The following HM13 variants were observed in gnomAD, a reference collection of about 807,000 sequenced individuals.
HM13 encodes the protein signal peptide peptidase.
Under a neutral mutation model 50.0 loss-of-function variants are expected in HM13, and 18 were observed. That is an observed-to-expected ratio of 0.36 (90% CI 0.25 to 0.53). The LOEUF is 0.53. HM13 is among the 20% of genes least tolerant of loss of function. The pLI, the probability that HM13 is intolerant of heterozygous loss-of-function variation, is 0.90. For missense variants in HM13, 393 were observed against 552.4 expected (o/e 0.71, Z 2.89); for synonymous variants, 197 against 232.6 (o/e 0.85, Z 1.39).
At chr20:31,529,589 T>C (rs1982691631) in intron 2 of HM13, among the ~76,000 whole-genome samples, 1 of 152,130 alleles carries the variant, frequency 6.6e-6, no homozygotes, top group African/African-American at 2.4e-5. Context: ...TTCCTGGTCA[T>C]TGAAAATTCC....
At chr20:31,526,797 A>G (rs1284439413) in intron 1 of HM13, among the ~76,000 whole-genome samples, 1 of 152,044 alleles carries the variant, frequency 6.6e-6, no homozygotes, top group African/African-American at 2.4e-5. Context: ...GTTAATTTCA[A>G]CTCATAATAT....
intron 10 of HM13, among the ~76,000 whole-genome samples, chr20:31,563,569 C>G (rs1984738108): frequency 6.6e-6 from 1 of 152,070 alleles, no homozygotes; most frequent in Non-Finnish European, 1.5e-5. Flanking sequence ...ACTGACCTGC[C>G]CACCTCAGCC....
chr20:31,569,067 C>A, intron 12 of HM13, 53 bp from the exon 13 acceptor site: 1 of 1,306,558 alleles, frequency 7.7e-7, no homozygotes, highest in Non-Finnish European at 1.1e-6. Flanking sequence ...CAAGGTTCTG[C>A]TCACCCTCTC....
intron 1 of HM13, among the ~76,000 whole-genome samples, chr20:31,518,039 T>A (rs1417722380): frequency 1.2e-5 from 1 of 80,592 alleles, no homozygotes; most frequent in Non-Finnish European, 2.1e-5. Flanking sequence ...ACAACTTGAT[T>A]TTTTTTTTTT....
chr20:31,550,120 A>G lies in HM13; in HGVS notation c.723A>G (p.Lys241=), dbSNP rs1983955079. 6.2e-7 allele frequency: 1 copy of G among 1,613,280 alleles called. No homozygotes were observed. The change falls in exon 7 of 13, where the codon AAA becomes AAG. Residue 241 remains lysine, a splice_region_variant and synonymous_variant. Transcript: ENST00000398174. The part of the protein sequence containing the change: ...TVAKSFEAPI[K]LVFPQDLLEK... ...CCAAGTCCTTCGAGGCACCAATAAA[A>G]TGTAAGTGACCACCCTGCCACAGGG...
chr20:31,518,260 C>T (rs1457760555), intron 1 of HM13, among the ~76,000 whole-genome samples: 2 of 151,466 alleles, frequency 1.3e-5, no homozygotes, highest in Admixed American at 1.3e-4. Flanking sequence ...GTCTCAAACT[C>T]CCGACCTCAG....
At chr20:31,568,022 C>T (rs1985021539) in intron 11 of HM13, 56 bp from the exon 12 acceptor site, 1 of 1,450,242 alleles carries the variant, frequency 6.9e-7, no homozygotes, top group Non-Finnish European at 9.4e-7. Flanking sequence ...TCTGTCCTCC[C>T]TTAGTCTTTC....
chr20:31,562,290 G>A (rs1285675703), intron 10 of HM13: 2 of 159,672 alleles, frequency 1.3e-5, no homozygotes, highest in South Asian at 1.7e-4. Flanking sequence ...CTGGAGAGGG[G>A]AAGATTCAGG....
chr20:31,519,011 G>A (rs1981984780), intron 1 of HM13, among the ~76,000 whole-genome samples: 1 of 152,148 alleles, frequency 6.6e-6, no homozygotes. Flanking sequence ...TCCCTCCTCA[G>A]AGGCAGCCCC....
At chr20:31,529,508 G>A (rs1196005858) in intron 2 of HM13, among the ~76,000 whole-genome samples, 1 of 152,166 alleles carries the variant, frequency 6.6e-6, no homozygotes, top group African/African-American at 2.4e-5. Context: ...GCCTTGTAAA[G>A]TGCTGGTATT....
intron 10 of HM13, chr20:31,563,404 A>C (rs1347168600): frequency 6.6e-6 from 1 of 152,244 alleles, no homozygotes; most frequent in East Asian, 1.9e-4. Context: ...AGCTCATTGG[A>C]GCTCCGCCTC....
intron 4 of HM13, chr20:31,548,798 GTC>G (rs1983859332): frequency 5.2e-6 from 3 of 572,278 alleles, no homozygotes; most frequent in East Asian, 5.7e-5. Flanking sequence ...AGGCTTGTAA[GTC>G]TCTCTCTGGG....
In HM13 at chr20:31,514,548, C is replaced by T. The variant is rs775485156; in HGVS notation, c.-4C>T. 4 of 1,604,052 alleles carry T rather than the reference C, an allele frequency of 2.5e-6. No homozygotes were observed. The highest frequency in any genetic ancestry group is 2.7e-5 in the African/African-American group (2 of 74,784). ...TGGAGTCGGATCCCGAACGCACCCT[C>T]GCCATGGACTCGGCCCTCAGCGATC... On this transcript the variant is annotated 5_prime_UTR_variant, in exon 1 of 13. Coordinates refer to ENST00000398174, the MANE Select transcript of HM13 (RefSeq NM_178581.3). The surrounding 1 kb of genome is among the most constrained non-coding windows in gnomAD (Gnocchi z 4.3).
At chr20:31,528,548 G>A (rs145712140) in intron 2 of HM13, among the ~76,000 whole-genome samples, 8 of 152,194 alleles carry the variant, frequency 5.3e-5, no homozygotes, top group Non-Finnish European at 8.8e-5. Flanking sequence ...GCGCAATTTC[G>A]GCTCACTACA....
chr20:31,569,536 C>T lies in HM13; in HGVS notation c.*317C>T, dbSNP rs1985145454. 1 of 220,350 alleles carries T rather than the reference C, an allele frequency of 4.5e-6. No homozygotes were observed. Among genetic ancestry groups the T allele is most frequent in the Admixed American group, 5.3e-5 (1 of 18,960 alleles). The allele number at this position is 220,350 out of a possible 1,614,324, so 13.6% of individuals were successfully genotyped here. A position where few individuals can be genotyped will look rare whatever the true frequency, so the allele number is the denominator to read the frequency against. On this transcript the variant is annotated 3_prime_UTR_variant, in exon 13 of 13. Transcript: ENST00000398174. Reference sequence around the variant, plus strand: ...TTTGCCTCACATTAAAAACTCATCCCATGGCCAGGGCGGGCCACTGTGCTC... The same window carrying T: ...TTTGCCTCACATTAAAAACTCATCCTATGGCCAGGGCGGGCCACTGTGCTC...
intron 1 of HM13, among the ~76,000 whole-genome samples, chr20:31,523,764 C>T (rs542158126): frequency 7.5e-4 from 114 of 152,292 alleles, no homozygotes; most frequent in Non-Finnish European, 1.5e-3. Flanking sequence ...CAGCACACTG[C>T]TGGCAAAAGC....
intron 9 of HM13, among the ~76,000 whole-genome samples, chr20:31,560,936 G>A (rs1984570958): frequency 6.6e-6 from 1 of 152,236 alleles, no homozygotes; most frequent in African/African-American, 2.4e-5. Flanking sequence ...CATCCCAGGT[G>A]CTGGGGACAT....
intron 7 of HM13, among the ~76,000 whole-genome samples, chr20:31,551,425 A>T (rs1344666737): frequency 1.3e-5 from 2 of 152,128 alleles, no homozygotes; most frequent in Non-Finnish European, 1.5e-5. Flanking sequence ...AAGAAAGGGG[A>T]AATTATGTCT....
chr20:31,549,901 C>T (rs1356278591), intron 6 of HM13, among the ~76,000 whole-genome samples, 163 bp from the exon 7 acceptor site: 2 of 152,132 alleles, frequency 1.3e-5, no homozygotes, highest in Non-Finnish European at 2.9e-5. Context: ...TTGCCCAGAA[C>T]CAGTATCAGT....
Sources: allele counts gnomAD v4.1 joint callset (sites outside exome capture counted in the v4.1 genomes callset), GRCh38; gene constraint gnomAD v4.1.1; non-coding constraint Gnocchi (gnomAD v3.1); transcripts MANE v1.5; gene names NCBI Gene and HGNC (gene_info 2026-07-23, HGNC 2026-07-21).